The following SARDH variants were observed in gnomAD, a reference collection of about 807,000 sequenced individuals.
SARDH encodes sarcosine dehydrogenase, mitochondrial.
Under a neutral mutation model 109.1 loss-of-function variants are expected in SARDH, and 95 were observed. The ratio of observed to expected loss-of-function variants is 0.87; its 90% confidence interval spans 0.74 to 1.03. The LOEUF (loss-of-function observed/expected upper bound fraction) is 1.03. Among genes scored for constraint, SARDH ranks in the 50% least tolerant of loss-of-function variants. The pLI is 0.00. For synonymous variants in SARDH, 572 were observed against 534.8 expected (o/e 1.07, Z -0.96); for missense variants, 1,267 against 1,287.8 (o/e 0.98, Z 0.25).
At chr9:133,731,662 C>T (rs1832687209) in intron 3 of SARDH, among the ~76,000 whole-genome samples, 178 bp from the exon 4 acceptor site, 1 of 152,160 alleles carries the variant, frequency 6.6e-6, no homozygotes, top group Non-Finnish European at 1.5e-5. Context: ...AGTTAAGGAG[C>T]AGGGCACTGA....
At chr9:133,714,210 G>A (rs544958723) in intron 8 of SARDH, among the ~76,000 whole-genome samples, 5 of 152,310 alleles carry the variant, frequency 3.3e-5, no homozygotes, top group South Asian at 2.1e-4. Flanking sequence ...AGCAAGTGCC[G>A]TCCCGCTCCC....
intron 6 of SARDH, among the ~76,000 whole-genome samples, chr9:133,722,121 C>CACAAAACAAAACAAA (rs57378996): frequency 4.6e-5 from 7 of 150,556 alleles, no homozygotes; most frequent in African/African-American, 1.7e-4. Context: ...GTCTCAAAAA[C>CACAAAACAAAACAAA]ACAAAACAAA....
chr9:133,666,390 C>T lies in SARDH; in HGVS notation c.2631+345G>A, dbSNP rs1047281460. On this transcript the variant is annotated intron_variant, in intron 20 of 20. Coordinates refer to ENST00000439388, the MANE Select transcript of SARDH (RefSeq NM_001134707.2). The surrounding 1 kb of genome is among the most constrained non-coding windows in gnomAD (Gnocchi z 5.2). The stretch of plus-strand genomic sequence containing the variant: ...AAAAAAAGCCTGGAATCACCAAAGT[C>T]GGATTCTTCCAGAAAGAAAACAGAG... Among the ~76,000 whole-genome samples, 4 of 152,180 alleles carry T rather than the reference C, an allele frequency of 2.6e-5. No homozygotes were observed. Among genetic ancestry groups the T allele is most frequent in the South Asian group, 2.1e-4 (1 of 4,832 alleles).
At chr9:133,695,123 G>A (rs1364971072) in intron 14 of SARDH, among the ~76,000 whole-genome samples, 1 of 152,158 alleles carries the variant, frequency 6.6e-6, no homozygotes, top group Non-Finnish European at 1.5e-5. Context: ...TTAAAGTGAG[G>A]TCATGAGTGT....
intron 10 of SARDH, among the ~76,000 whole-genome samples, chr9:133,711,683 G>A (rs76396042): frequency 0.011 from 1,686 of 152,306 alleles, 29 homozygotes; most frequent in African/African-American, 0.038. Flanking sequence ...GGCGCACCGA[G>A]CTGAGCCAGG....
chr9:133,694,359 T>C lies in SARDH; in HGVS notation c.1820A>G (p.Tyr607Cys). 1.3e-6 allele frequency: 2 copies of C among 1,550,558 alleles called. No individual in the cohort carries two copies. Among genetic ancestry groups the C allele is most frequent in the East Asian group, 2.4e-5 (1 of 40,912 alleles). The change falls in exon 15 of 21, where the codon TAC (tyrosine) becomes TGC (cysteine). Residue 607 changes from tyrosine to cysteine, a missense_variant. Coordinates refer to ENST00000439388, the MANE Select transcript of SARDH (RefSeq NM_001134707.2). Reference protein sequence around the residue: ...DVSRPPGSTVYTCMLNHRGGT... With the variant: ...DVSRPPGSTVCTCMLNHRGGT... ...CCCACGGTGGTTGAGCATGCACGTGTACACGGTGGAGCCTGCGAGAGGGAG... is the reference window on the plus strand; with the variant it reads ...CCCACGGTGGTTGAGCATGCACGTGCACACGGTGGAGCCTGCGAGAGGGAG...
rs10993766 is a variant in SARDH, at chr9:133,692,159, C to T, written c.1922-1632G>A. On this transcript the variant is annotated intron_variant, in intron 15 of 20. Coordinates refer to ENST00000439388, the MANE Select transcript of SARDH (RefSeq NM_001134707.2). The surrounding 1 kb of genome is among the most constrained non-coding windows in gnomAD (Gnocchi z 5.0). ...CCCAGACTCTGACTCAATTCTCCAT[C>T]GCAGCCCCGGGAGGCGCGTCTTCCT... Among the ~76,000 whole-genome samples, 9 of 152,144 alleles carry T rather than the reference C, an allele frequency of 5.9e-5. No homozygotes were observed. Among genetic ancestry groups the T allele is most frequent in the African/African-American group, 1.7e-4 (7 of 41,426 alleles).
intron 6 of SARDH, among the ~76,000 whole-genome samples, chr9:133,719,938 C>T: frequency 1.3e-5 from 2 of 151,780 alleles, no homozygotes; most frequent in East Asian, 3.9e-4. Flanking sequence ...GGTGAAACCT[C>T]GTCTCTACTA....
chr9:133,733,856 G>A lies in SARDH; in HGVS notation c.318C>T (p.Thr106=). 1 of 1,470,580 alleles carries A rather than the reference G, an allele frequency of 6.8e-7. No homozygotes were observed. The highest frequency in any genetic ancestry group is 9.0e-7 in the Non-Finnish European group (1 of 1,109,652). 91.1% of individuals were successfully genotyped at this position (1,470,580 alleles called of 1,614,324 possible). ...CCCGGTCCCTACCTGCCGTGTGCCA[G>A]GTGGTCCCGGAGGTCAGCCGCTCCC... ...LERERLTSGT[T]WHTAGLLWQL... The change falls in exon 2 of 21, where the codon ACC becomes ACT. Residue 106 remains threonine, a synonymous_variant. Transcript: ENST00000439388.
intron 17 of SARDH, among the ~76,000 whole-genome samples, chr9:133,683,965 G>A (rs1355081694): frequency 1.3e-5 from 2 of 152,216 alleles, no homozygotes; most frequent in Admixed American, 6.5e-5. Context: ...TTCTTTAGCC[G>A]GGCGGCCCTG....
chr9:133,668,077 G>A (rs912190376), intron 19 of SARDH, among the ~76,000 whole-genome samples: 1 of 151,084 alleles, frequency 6.6e-6, no homozygotes, highest in African/African-American at 2.5e-5. Flanking sequence ...ACATCAGGCT[G>A]CAGGTACTTC....
Position 133,709,325 on chromosome 9 carries a change from TC to T in SARDH, c.1329-898del, listed in dbSNP as rs1831825801. 1.3e-5 allele frequency among the ~76,000 whole-genome samples: 2 copies of T among 152,122 alleles called. No homozygotes were observed. The highest frequency in any genetic ancestry group is 4.8e-5 in the African/African-American group (2 of 41,422). ...CCCCGCGGCTTGTTCCCTGGTCTCC[TC>T]AGACCAGCCACCCGTCCCGAATCCG... On this transcript the variant is annotated intron_variant, in intron 10 of 20. Coordinates refer to ENST00000439388, the MANE Select transcript of SARDH (RefSeq NM_001134707.2). The surrounding 1 kb of genome is among the most constrained non-coding windows in gnomAD (Gnocchi z 4.2).
At position 133,702,993 on chromosome 9, in the gene SARDH, G is replaced by A. The variant is rs532219272; in HGVS notation, c.1591C>T (p.Arg531Cys). 3.1e-6 allele frequency: 5 copies of A among 1,613,390 alleles called. No homozygotes were observed. In the South Asian group the frequency reaches 3.3e-5, roughly 11 times the overall value. ...EYDYYGAYGSRAHEDYAYRRL... is the reference protein window; with the variant it reads ...EYDYYGAYGSCAHEDYAYRRL... ...CGGTAGGCGTAGTCCTCGTGCGCGC[G>A]GCTCCCGTAAGCCCCGTAGTAGTCG... Residue 531 changes from arginine (R) to cysteine (C), a missense_variant, in exon 13 of 21, where the codon CGC (arginine) becomes TGC (cysteine). Coordinates refer to ENST00000439388, the MANE Select transcript of SARDH (RefSeq NM_001134707.2).
chr9:133,685,808 CG>C (rs1564250168), intron 16 of SARDH, among the ~76,000 whole-genome samples: 1 of 152,166 alleles, frequency 6.6e-6, no homozygotes, highest in East Asian at 1.9e-4. Context: ...AAGGCAGAGC[CG>C]GATTGGAGCA....
At chr9:133,684,252 G>A (rs1022788711) in intron 17 of SARDH, among the ~76,000 whole-genome samples, 53 of 152,316 alleles carry the variant, frequency 3.5e-4, no homozygotes, top group Non-Finnish European at 5.9e-4. Flanking sequence ...CCAGGGAGGC[G>A]GCCACACACC....
chr9:133,669,283 TCTCCCTCACCCTCCCTCTCCCCTCATC>T (rs1830242730), intron 19 of SARDH, among the ~76,000 whole-genome samples: 1 of 9,516 alleles, frequency 1.1e-4, no homozygotes, highest in Non-Finnish European at 2.1e-4. Flanking sequence ...TCACCCTCCC[TCTCCCTCACCCTCCCTCTCCCCTCATC>T]CTCCCTCACC....
chr9:133,734,348 T>TTCATTCATTCACTCAC (rs1564303891), intron 1 of SARDH, 145 bp from the exon 2 acceptor site: 4 of 380,822 alleles, frequency 1.1e-5, no homozygotes, highest in Non-Finnish European at 9.1e-6. Context: ...CATTCACTCA[T>TTCATTCATTCACTCAC]TCATTCATTC....
At chr9:133,683,939 C>T (rs1316978025) in intron 17 of SARDH, among the ~76,000 whole-genome samples, 4 of 152,214 alleles carry the variant, frequency 2.6e-5, no homozygotes, top group South Asian at 4.1e-4. Context: ...TGACACATAT[C>T]GGGGGCTTTC....
At chr9:133,676,708 C>G (rs920333089) in intron 17 of SARDH, among the ~76,000 whole-genome samples, 1 of 152,056 alleles carries the variant, frequency 6.6e-6, no homozygotes, top group South Asian at 2.1e-4. Context: ...CCAGAGAGAC[C>G]GGGGGGAAAG....
Sources: gnomAD v4.1 joint callset for allele counts (sites outside exome capture counted in the v4.1 genomes callset) on GRCh38, gnomAD v4.1.1 for gene constraint, Gnocchi (gnomAD v3.1) non-coding constraint, MANE v1.5 for transcripts, NCBI Gene and HGNC (gene_info 2026-07-23, HGNC 2026-07-21) for gene names.